Variants in AFTPH observed in about 807,000 individuals in gnomAD.
AFTPH encodes the protein aftiphilin protein.
A neutral mutation model predicts 72.5 loss-of-function variants in AFTPH; 7 were observed. That is an observed-to-expected ratio of 0.10 (90% CI 0.05 to 0.18). The LOEUF is 0.18. AFTPH is among the 10% of genes least tolerant of loss of function. AFTPH has a pLI of 1.00. For synonymous variants in AFTPH, 337 were observed against 370.1 expected (o/e 0.91, Z 1.03); for missense variants, 979 against 1,060.5 (o/e 0.92, Z 1.07).
intron 8 of AFTPH, among the ~76,000 whole-genome samples, chr2:64,588,471 A>G (rs1486777491): frequency 6.6e-6 from 1 of 152,156 alleles, no homozygotes. Flanking sequence ...TGGGTCTTAT[A>G]GGAACTCTAA....
chr2:64,564,622 A>T (rs1000505900), intron 2 of AFTPH, among the ~76,000 whole-genome samples: 2 of 145,434 alleles, frequency 1.4e-5, no homozygotes, highest in Non-Finnish European at 2.9e-5. Context: ...TCAAAAAAAT[A>T]AAAAATAAAA....
chr2:64,533,243 T>C (rs1669722661), intron 1 of AFTPH, among the ~76,000 whole-genome samples: 1 of 151,728 alleles, frequency 6.6e-6, no homozygotes, highest in African/African-American at 2.4e-5. Flanking sequence ...ATAAAAAATA[T>C]AAAAAATTAG....
chr2:64,571,077 T>C (rs1672395062), intron 5 of AFTPH, among the ~76,000 whole-genome samples: 1 of 152,102 alleles, frequency 6.6e-6, no homozygotes, highest in African/African-American at 2.4e-5. Context: ...TTTTTTTTAA[T>C]ATCAAGTTTT....
intron 7 of AFTPH, chr2:64,579,799 A>G (rs1024244132): frequency 8.5e-6 from 3 of 354,434 alleles, no homozygotes; most frequent in Non-Finnish European, 1.5e-5. Flanking sequence ...AAGCTTCTTT[A>G]TTTTTTACAA....
chr2:64,525,771 T>G (rs1479037786), intron 1 of AFTPH, among the ~76,000 whole-genome samples: 1 of 152,224 alleles, frequency 6.6e-6, no homozygotes, highest in Non-Finnish European at 1.5e-5. Context: ...GCTTTACCAG[T>G]TTAAATGTTG....
Position 64,524,483 on chromosome 2 carries a change from G to A in AFTPH, c.-162G>A, listed in dbSNP as rs1188837132. ...TGGGCGTCCATGGTGCTGCTGCGCT[G>A]ACAGGGCTGTGAGCAGCCGGCCTTC... On this transcript the variant is annotated 5_prime_UTR_variant, in exon 1 of 9. The change abolishes the stop of an existing upstream ORF in the 5' untranslated region. Coordinates refer to ENST00000238856, the Ensembl canonical transcript of AFTPH. The A allele has an allele frequency of 7.5e-6, 3 of 400,968 alleles. No homozygotes were observed. Among genetic ancestry groups the A allele is most frequent in the Non-Finnish European group, 1.3e-5 (3 of 227,118 alleles). 24.8% of individuals were successfully genotyped at this position (400,968 alleles called of 1,614,324 possible). A position where few individuals can be genotyped will look rare whatever the true frequency, so the allele number is the denominator to read the frequency against.
At chr2:64,590,879 A>C (rs1340405460) in intron 8 of AFTPH, among the ~76,000 whole-genome samples, 1 of 152,216 alleles carries the variant, frequency 6.6e-6, no homozygotes, top group Non-Finnish European at 1.5e-5. Context: ...GGCTTCCTGC[A>C]CCCCATCCAA....
intron 1 of AFTPH, among the ~76,000 whole-genome samples, chr2:64,537,383 T>C (rs1669954834): frequency 6.6e-6 from 1 of 152,198 alleles, no homozygotes; most frequent in Non-Finnish European, 1.5e-5. Flanking sequence ...ACACTCAATT[T>C]ACCTATGTAA....
intron 1 of AFTPH, among the ~76,000 whole-genome samples, chr2:64,549,982 C>T (rs569914973): frequency 7.9e-5 from 12 of 152,250 alleles, no homozygotes; most frequent in African/African-American, 2.9e-4. Flanking sequence ...ATTGATTTGA[C>T]TTCCTAAAAT....
At chr2:64,588,989 A>G (rs1457190240) in intron 8 of AFTPH, among the ~76,000 whole-genome samples, 1 of 152,144 alleles carries the variant, frequency 6.6e-6, no homozygotes, top group Non-Finnish European at 1.5e-5. Context: ...TGATTTGAAG[A>G]TATCTTTTCC....
chr2:64,552,954 A>T (rs1403116863), exon 2 of AFTPH: 1 of 1,614,190 alleles, frequency 6.2e-7, no homozygotes. Flanking sequence ...AGAGGAGACA[A>T]TATTAACAAA....
At chr2:64,532,181 T>C (rs928881672) in intron 1 of AFTPH, among the ~76,000 whole-genome samples, 4 of 151,654 alleles carry the variant, frequency 2.6e-5, no homozygotes, top group African/African-American at 9.8e-5. Context: ...TCTTAGGCAC[T>C]GGGACTGTAA....
At chr2:64,562,835 G>A (rs542128679) in intron 2 of AFTPH, among the ~76,000 whole-genome samples, 1 of 152,236 alleles carries the variant, frequency 6.6e-6, no homozygotes, top group African/African-American at 2.4e-5. Context: ...TCCTGAACTG[G>A]GTTAAAATGA....
chr2:64,569,251 A>T, intron 4 of AFTPH, 33 bp downstream of exon 4: 1 of 1,589,312 alleles, frequency 6.3e-7, no homozygotes, highest in Non-Finnish European at 8.6e-7. Context: ...AAATCTTTTA[A>T]TCAACCTGTG....
chr2:64,556,176 T>C (rs1433421942), intron 2 of AFTPH, among the ~76,000 whole-genome samples: 1 of 152,070 alleles, frequency 6.6e-6, no homozygotes, highest in Non-Finnish European at 1.5e-5. Context: ...TTATTGGAGA[T>C]GAAGTGTCAC....
intron 6 of AFTPH, among the ~76,000 whole-genome samples, chr2:64,576,511 TTG>T (rs767885083): frequency 2.6e-5 from 4 of 152,120 alleles, no homozygotes; most frequent in Non-Finnish European, 4.4e-5. Flanking sequence ...TTTTTTGGGA[TTG>T]TGTGTGTGTT....
intron 7 of AFTPH, among the ~76,000 whole-genome samples, chr2:64,584,659 T>G (rs6755438): frequency 0.27 from 40,010 of 146,726 alleles, 5,530 homozygotes; most frequent in Non-Finnish European, 0.3. Context: ...TGCAGTGGCG[T>G]GATCTCGGCT....
intron 8 of AFTPH, among the ~76,000 whole-genome samples, chr2:64,589,359 GT>G (rs550657500): frequency 6.6e-6 from 1 of 152,180 alleles, no homozygotes; most frequent in Admixed American, 6.5e-5. Context: ...AATTGATCAT[GT>G]TTTTTTCCTG....
chr2:64,585,784 C>T (rs182912094), intron 8 of AFTPH, among the ~76,000 whole-genome samples: 1 of 143,768 alleles, frequency 7.0e-6, no homozygotes. Context: ...TCTTCCCCCA[C>T]CCCCTGCCCC....
Sources: gnomAD v4.1 joint callset for allele counts (sites outside exome capture counted in the v4.1 genomes callset) on GRCh38, gnomAD v4.1.1 for gene constraint, MANE v1.5 for transcripts, NCBI Gene and HGNC (gene_info 2026-07-23, HGNC 2026-07-21) for gene names.